The following EVI5 variants were observed in gnomAD, a reference collection of about 807,000 sequenced individuals.
EVI5 encodes ecotropic viral integration site 5, also known as ecotropic viral integration site 5 protein homolog.
A neutral mutation model predicts 112.0 loss-of-function variants in EVI5; 73 were observed. That is an observed-to-expected ratio of 0.65 (90% confidence interval 0.54 to 0.79). The LOEUF (loss-of-function observed/expected upper bound fraction) is 0.79. Among genes scored for constraint, EVI5 ranks in the 30% least tolerant of loss-of-function variants. The pLI, the probability that EVI5 is intolerant of heterozygous loss-of-function variation, is 0.00. For synonymous variants in EVI5, 305 were observed against 319.9 expected, an observed-to-expected ratio of 0.95 and a Z score of 0.50; for missense variants, 900 against 968.8, an observed-to-expected ratio of 0.93 and a Z score of 0.94.
intron 19 of EVI5, among the ~76,000 whole-genome samples, chr1:92,533,087 TA>T (rs1259761406): frequency 1.5e-5 from 2 of 129,274 alleles, no homozygotes; most frequent in Non-Finnish European, 1.7e-5. Flanking sequence ...ATAGGTGCAA[TA>T]AAAAAAATGA....
At chr1:92,728,948 T>C (rs1040684650) in intron 2 of EVI5, among the ~76,000 whole-genome samples, 3 of 152,260 alleles carry the variant, frequency 2.0e-5, no homozygotes, top group Middle Eastern at 3.4e-3. Flanking sequence ...ATCACAGTGA[T>C]TGCATTCAAC....
In EVI5 at chr1:92,667,916, C is replaced by G. The variant is rs559616656; in HGVS notation, c.1159-1924G>C. 4.2e-4 allele frequency among the ~76,000 whole-genome samples: 64 copies of G among 152,190 alleles called. 1 individual carries two copies. The highest frequency in any genetic ancestry group is 6.5e-5 in the Admixed American group (1 of 15,274). On this transcript the variant is annotated intron_variant, in intron 10 of 19. Transcript: ENST00000684568. ...AGGCATAAGCCTCTGTGCCCGGCCTCAAGGTGATAACTTACTTTTTTGTAC... is the reference window on the plus strand; with the variant it reads ...AGGCATAAGCCTCTGTGCCCGGCCTGAAGGTGATAACTTACTTTTTTGTAC...
At position 92,570,165 on chromosome 1, in the gene EVI5, G is replaced by C. The variant is rs958878208; in HGVS notation, c.2071-6428C>G. ...AACAAAATCATTATTCTCATAGGAG[G>C]TATTCTCCAAATCCCATATGTGACA... On this transcript the variant is annotated intron_variant, in intron 18 of 19. Transcript: ENST00000684568. 7.2e-5 allele frequency among the ~76,000 whole-genome samples: 11 copies of C among 152,268 alleles called. No homozygotes were observed. The South Asian group carries it at 1.2e-3, about 17-fold the overall frequency.
chr1:92,593,960 AG>A (rs896464068), intron 18 of EVI5, among the ~76,000 whole-genome samples: 47 of 152,362 alleles, frequency 3.1e-4, no homozygotes, highest in African/African-American at 1.0e-3. Context: ...GCTTATGGGT[AG>A]GAAGAATCAA....
rs552626908 is a variant in EVI5 at position 92,621,141 on chromosome 1, A to T, written c.1827+3035T>A. Among the ~76,000 whole-genome samples the T allele has an allele frequency of 7.3e-4, 111 of 152,312 alleles. 1 individual carries two copies. Among genetic ancestry groups the T allele is most frequent in the African/African-American group, 2.1e-3 (89 of 41,584 alleles). On this transcript the variant is annotated intron_variant, in intron 16 of 19. Coordinates refer to ENST00000684568, the MANE Select transcript of EVI5 (RefSeq NM_001350197.2). Reference sequence around the variant, plus strand: ...ATGTGAAGATAAAAATGGAATCACAATAAATATCTAATAAATCCAAGAGAA... The same window carrying T: ...ATGTGAAGATAAAAATGGAATCACATTAAATATCTAATAAATCCAAGAGAA...
intron 18 of EVI5, among the ~76,000 whole-genome samples, chr1:92,590,671 C>T (rs1191598100): frequency 6.6e-6 from 1 of 152,062 alleles, no homozygotes; most frequent in African/African-American, 2.4e-5. Flanking sequence ...AGAATGGAAC[C>T]AAGGTGGAAA....
chr1:92,604,361 A>C (rs1341805173), intron 18 of EVI5, among the ~76,000 whole-genome samples: 1 of 92,954 alleles, frequency 1.1e-5, no homozygotes, highest in Non-Finnish European at 2.1e-5. Flanking sequence ...CCTCAAAAAA[A>C]AAAAAAATTA....
chr1:92,774,264 C>T (rs1683827055), intron 1 of EVI5, among the ~76,000 whole-genome samples: 1 of 152,094 alleles, frequency 6.6e-6, no homozygotes, highest in Non-Finnish European at 1.5e-5. Flanking sequence ...TTCTGGTATG[C>T]CTGAAGATAT....
chr1:92,606,160 C>G (rs1311605052), intron 17 of EVI5, among the ~76,000 whole-genome samples: 1 of 152,128 alleles, frequency 6.6e-6, no homozygotes, highest in African/African-American at 2.4e-5. Context: ...AAATAAAATC[C>G]CATATTAGTT....
chr1:92,759,191 C>G (rs1171718819), intron 1 of EVI5, among the ~76,000 whole-genome samples: 1 of 152,102 alleles, frequency 6.6e-6, no homozygotes, highest in African/African-American at 2.4e-5. Flanking sequence ...CCGCTGTACT[C>G]CAGCCTGAGC....
intron 11 of EVI5, among the ~76,000 whole-genome samples, chr1:92,663,936 T>C (rs1664446326): frequency 6.6e-6 from 1 of 152,224 alleles, no homozygotes; most frequent in Non-Finnish European, 1.5e-5. Flanking sequence ...TTTGTAGAGA[T>C]ACAGTCTTGC....
At chr1:92,790,583 T>C (rs1448690365) in intron 1 of EVI5, among the ~76,000 whole-genome samples, 1 of 151,772 alleles carries the variant, frequency 6.6e-6, no homozygotes, top group Non-Finnish European at 1.5e-5. Context: ...ATTACTAGGC[T>C]CATTACTTTC....
intron 2 of EVI5, among the ~76,000 whole-genome samples, chr1:92,727,900 G>A (rs1390018121): frequency 1.3e-5 from 2 of 151,682 alleles, no homozygotes; most frequent in African/African-American, 2.4e-5. Flanking sequence ...AGGCTGAGAT[G>A]GAAGAACTGC....
chr1:92,770,715 G>A (rs1310274946), intron 1 of EVI5, among the ~76,000 whole-genome samples: 6 of 151,712 alleles, frequency 4.0e-5, no homozygotes, highest in South Asian at 2.1e-4. Flanking sequence ...GTGTGAACCC[G>A]GGAGGTGGAG....
At chr1:92,557,814 T>C (rs1667913937) in intron 19 of EVI5, among the ~76,000 whole-genome samples, 1 of 151,974 alleles carries the variant, frequency 6.6e-6, no homozygotes, top group Admixed American at 6.6e-5. Context: ...AACCTCTGGT[T>C]CCCAGGCTCA....
chr1:92,621,843 C>A (rs982240397), intron 16 of EVI5, among the ~76,000 whole-genome samples: 6 of 152,212 alleles, frequency 3.9e-5, no homozygotes, highest in African/African-American at 1.4e-4. Context: ...TAAATCAAGG[C>A]AGGGCACGGT....
At chr1:92,517,726 C>T (rs1660146927) in intron 19 of EVI5, among the ~76,000 whole-genome samples, 1 of 152,038 alleles carries the variant, frequency 6.6e-6, no homozygotes, top group African/African-American at 2.4e-5. Context: ...GGCTAAAGAC[C>T]TGAATAACTC....
At chr1:92,574,414 T>C (rs887955175) in intron 18 of EVI5, among the ~76,000 whole-genome samples, 1 of 152,182 alleles carries the variant, frequency 6.6e-6, no homozygotes, top group African/African-American at 2.4e-5. Context: ...AACAATTAAA[T>C]GTGATGGTGC....
intron 6 of EVI5, among the ~76,000 whole-genome samples, chr1:92,696,213 T>C (rs1032862758): frequency 2.0e-5 from 3 of 152,130 alleles, no homozygotes; most frequent in Non-Finnish European, 4.4e-5. Flanking sequence ...ATTACAAACA[T>C]GGGCCACTGC....
Sources: allele counts gnomAD v4.1 joint callset (sites outside exome capture counted in the v4.1 genomes callset), GRCh38; gene constraint gnomAD v4.1.1; transcripts MANE v1.5; gene names NCBI Gene and HGNC (gene_info 2026-07-23, HGNC 2026-07-21).